The following PRKAR2A variants were observed in gnomAD, a reference collection of about 807,000 sequenced individuals.
The protein encoded by PRKAR2A is cAMP-dependent protein kinase type II-alpha regulatory subunit.
PRKAR2A carries 29 observed loss-of-function variants against 51.9 expected under a neutral mutation model. That is an observed-to-expected ratio of 0.56 (90% CI 0.42 to 0.76). The LOEUF is 0.76. Ranked by LOEUF, PRKAR2A falls within the 30% of genes least tolerant of loss-of-function variation. The pLI, the probability that PRKAR2A is intolerant of heterozygous loss-of-function variation, is 0.00. For missense variants in PRKAR2A, 445 were observed against 512.1 expected (o/e 0.87, Z 1.26); for synonymous variants, 178 against 186.2 (o/e 0.96, Z 0.36).
At chr3:48,818,398 G>A (rs900313162) in intron 1 of PRKAR2A, among the ~76,000 whole-genome samples, 7 of 152,186 alleles carry the variant, frequency 4.6e-5, no homozygotes, top group African/African-American at 7.2e-5. Flanking sequence ...ACACTCTGGA[G>A]AACAAAGCAA....
At chr3:48,809,447 T>A (rs2082734261) in intron 1 of PRKAR2A, among the ~76,000 whole-genome samples, 1 of 150,592 alleles carries the variant, frequency 6.6e-6, no homozygotes, top group African/African-American at 2.5e-5. Context: ...AAAAAAAAAA[T>A]TAGCTGGGCG....
intron 1 of PRKAR2A, among the ~76,000 whole-genome samples, chr3:48,825,358 T>A (rs1287218416): frequency 6.6e-6 from 1 of 152,128 alleles, no homozygotes; most frequent in Non-Finnish European, 1.5e-5. Flanking sequence ...CAGGCTGGAG[T>A]GCAGTGGCTA....
intron 1 of PRKAR2A, among the ~76,000 whole-genome samples, chr3:48,827,075 T>C (rs925282509): frequency 3.9e-5 from 6 of 152,146 alleles, no homozygotes; most frequent in Admixed American, 1.3e-4. Context: ...TTTTTAAAAT[T>C]TGGTGTGCAT....
intron 6 of PRKAR2A, 24 bp from the exon 7 acceptor site, chr3:48,765,373 C>G: frequency 6.6e-7 from 1 of 1,510,426 alleles, no homozygotes; most frequent in Non-Finnish European, 9.1e-7. Context: ...TATGAAAATT[C>G]TAGTAAATGC....
chr3:48,780,200 T>C lies in PRKAR2A; in HGVS notation c.542+2786A>G, dbSNP rs565420627. Among the ~76,000 whole-genome samples, 3 of 152,062 alleles carry C rather than the reference T, an allele frequency of 2.0e-5. No individual in the cohort carries two copies. The South Asian group carries it at 6.2e-4, about 32-fold the overall frequency. ...AAAAAACCTATTCTGTCATTACTTG[T>C]AGAATTTCTGTGTAAGAAGTATTAG... On this transcript the variant is annotated intron_variant, in intron 5 of 10. Coordinates refer to ENST00000265563, the MANE Select transcript of PRKAR2A (RefSeq NM_004157.4).
At position 48,758,190 on chromosome 3, in the gene PRKAR2A, GGAGGTTGCAGTGATCC is replaced by G. The variant is rs1575839135; in HGVS notation, c.874-1762_874-1747del. The stretch of plus-strand genomic sequence containing the variant: ...CAAGAATCACTTAAACCTGGGAGGT[GGAGGTTGCAGTGATCC>G]GAGGTTGCACCACTGTACTCCAGCC... On this transcript the variant is annotated intron_variant, in intron 8 of 10. Transcript: ENST00000265563. 2.0e-5 allele frequency among the ~76,000 whole-genome samples: 3 copies of G among 151,626 alleles called. No homozygotes were observed. The East Asian group carries it at 5.8e-4, about 29-fold the overall frequency.
At chr3:48,821,147 T>C (rs917099782) in intron 1 of PRKAR2A, among the ~76,000 whole-genome samples, 1 of 152,132 alleles carries the variant, frequency 6.6e-6, no homozygotes, top group African/African-American at 2.4e-5. Context: ...TCTCCCTAAG[T>C]ATAGGATCTG....
Position 48,756,060 on chromosome 3 carries a change from G to A in PRKAR2A, c.939+319C>T, listed in dbSNP as rs189782186. 9.2e-5 allele frequency among the ~76,000 whole-genome samples: 14 copies of A among 151,852 alleles called. No individual in the cohort carries two copies. The East Asian group carries it at 2.3e-3, about 25-fold the overall frequency. ...CTCCCAAAGTGCTGGGATTACAGGCGTGAGCCACTGTGCCCGGCCCCAGCC... is the reference window on the plus strand; with the variant it reads ...CTCCCAAAGTGCTGGGATTACAGGCATGAGCCACTGTGCCCGGCCCCAGCC... On this transcript the variant is annotated intron_variant, in intron 9 of 10. Transcript: ENST00000265563.
chr3:48,745,899 G>A (rs2081557178), downstream of PRKAR2A, among the ~76,000 whole-genome samples: 1 of 152,118 alleles, frequency 6.6e-6, no homozygotes, highest in Non-Finnish European at 1.5e-5. Flanking sequence ...CCTAATGTGT[G>A]TGGGCCTCAT....
At position 48,769,554 on chromosome 3, in the gene PRKAR2A, G is replaced by A. The variant is rs953546263; in HGVS notation, c.696+3401C>T. On this transcript the variant is annotated intron_variant, in intron 6 of 10. Coordinates refer to ENST00000265563, the MANE Select transcript of PRKAR2A (RefSeq NM_004157.4). Reference sequence around the variant, plus strand: ...TGCAATGGCGCAATCTTGCCTCACCGCAACCTCCGTCTCCCAGGTTCAAGT... The same window carrying A: ...TGCAATGGCGCAATCTTGCCTCACCACAACCTCCGTCTCCCAGGTTCAAGT... Among the ~76,000 whole-genome samples, 9 of 151,562 alleles carry A rather than the reference G, an allele frequency of 5.9e-5. No individual in the cohort carries two copies. In the East Asian group the frequency reaches 1.2e-3, roughly 20 times the overall value.
chr3:48,799,276 G>A (rs1307882717), intron 2 of PRKAR2A, among the ~76,000 whole-genome samples: 1 of 152,138 alleles, frequency 6.6e-6, no homozygotes, highest in Non-Finnish European at 1.5e-5. Flanking sequence ...ACAGTGGCCT[G>A]GCATGGTGGC....
At chr3:48,760,865 G>A (rs1267072351) in intron 8 of PRKAR2A, among the ~76,000 whole-genome samples, 1 of 151,054 alleles carries the variant, frequency 6.6e-6, no homozygotes, top group Non-Finnish European at 1.5e-5. Flanking sequence ...TTAGCTTAGT[G>A]TGGTGGCATT....
intron 1 of PRKAR2A, among the ~76,000 whole-genome samples, chr3:48,846,513 G>T (rs1157590883): frequency 6.6e-6 from 1 of 152,074 alleles, no homozygotes; most frequent in Non-Finnish European, 1.5e-5. Flanking sequence ...CACCACGCCC[G>T]GCCAGGTTTT....
At chr3:48,817,197 C>T (rs1402091614) in intron 1 of PRKAR2A, among the ~76,000 whole-genome samples, 1 of 151,746 alleles carries the variant, frequency 6.6e-6, no homozygotes. Flanking sequence ...CATGGTGGCA[C>T]ATGCCTGTAG....
chr3:48,803,243 G>A (rs1208265506), intron 2 of PRKAR2A, among the ~76,000 whole-genome samples: 1 of 152,058 alleles, frequency 6.6e-6, no homozygotes, highest in Non-Finnish European at 1.5e-5. Flanking sequence ...GGGAGACCTT[G>A]TCTTTACAAA....
At chr3:48,837,644 A>G (rs929446627) in intron 1 of PRKAR2A, among the ~76,000 whole-genome samples, 3 of 152,236 alleles carry the variant, frequency 2.0e-5, no homozygotes, top group African/African-American at 7.2e-5. Flanking sequence ...AAATATTCGT[A>G]GCAGCATTAT....
intron 1 of PRKAR2A, among the ~76,000 whole-genome samples, chr3:48,816,543 C>CAGG (rs1482243691): frequency 6.6e-6 from 1 of 152,076 alleles, no homozygotes; most frequent in Non-Finnish European, 1.5e-5. Context: ...AAGGCTGAGG[C>CAGG]AGGAGAATTG....
intron 5 of PRKAR2A, among the ~76,000 whole-genome samples, chr3:48,782,616 C>T (rs898231051): frequency 3.9e-5 from 6 of 152,100 alleles, no homozygotes; most frequent in Non-Finnish European, 8.8e-5. Flanking sequence ...CTGCCACATC[C>T]GGCTAATTTT....
chr3:48,822,180 C>T lies in PRKAR2A; in HGVS notation c.263-14496G>A, dbSNP rs2082978004. ...GAGCCAAGATTGCACCATTGCACTC[C>T]AGCCTGGGTGACGGGGCAAGATTCT... On this transcript the variant is annotated intron_variant, in intron 1 of 10. Transcript: ENST00000265563. Among the ~76,000 whole-genome samples, 4 of 138,504 alleles carry T rather than the reference C, an allele frequency of 2.9e-5. No homozygotes were observed. In the South Asian group the frequency reaches 9.1e-4, roughly 32 times the overall value. The allele number at this position is 138,504 out of a possible 152,430, so 90.9% of individuals were successfully genotyped here. A position where few individuals can be genotyped will look rare whatever the true frequency, so the allele number is the denominator to read the frequency against.
Sources: gnomAD v4.1 joint callset for allele counts (sites outside exome capture counted in the v4.1 genomes callset) on GRCh38, gnomAD v4.1.1 for gene constraint, MANE v1.5 for transcripts, NCBI Gene and HGNC (gene_info 2026-07-23, HGNC 2026-07-21) for gene names.